Variants in SUPT3H observed in about 807,000 individuals in gnomAD.
The protein encoded by SUPT3H is SPT3 homolog, SAGA and STAGA complex component.
In SUPT3H, 44 loss-of-function variants were observed where a neutral mutation model predicts 44.3. The ratio of observed to expected loss-of-function variants is 0.99; its 90% CI spans 0.78 to 1.28. SUPT3H has a LOEUF of 1.28. SUPT3H is among the 50% of genes most tolerant of loss of function. SUPT3H has a pLI of 0.00. For synonymous variants in SUPT3H, 124 were observed against 125.6 expected (o/e 0.99, Z 0.09); for missense variants, 380 against 387.1 (o/e 0.98, Z 0.15).
At chr6:44,912,331 T>C (rs1767179139) in intron 10 of SUPT3H, among the ~76,000 whole-genome samples, 1 of 152,184 alleles carries the variant, frequency 6.6e-6, no homozygotes, top group Non-Finnish European at 1.5e-5. Context: ...GATCATACAG[T>C]ATTTGTCCTT....
intron 10 of SUPT3H, among the ~76,000 whole-genome samples, chr6:44,843,363 C>T (rs1215611882): frequency 6.6e-6 from 1 of 152,124 alleles, no homozygotes; most frequent in African/African-American, 2.4e-5. Flanking sequence ...GATATCTACT[C>T]CCACTGCACC....
chr6:44,878,055 T>C (rs1309081075), intron 10 of SUPT3H, among the ~76,000 whole-genome samples: 1 of 152,070 alleles, frequency 6.6e-6, no homozygotes, highest in Non-Finnish European at 1.5e-5. Flanking sequence ...ACTAAAGGAG[T>C]CCTTCCAGGA....
At chr6:45,281,127 C>G (rs574449957) in intron 2 of SUPT3H, among the ~76,000 whole-genome samples, 1 of 152,106 alleles carries the variant, frequency 6.6e-6, no homozygotes, top group African/African-American at 2.4e-5. Context: ...ACAAGATGGC[C>G]GAATAGGAAC....
chr6:44,823,408 G>T (rs1767500317), downstream of SUPT3H, among the ~76,000 whole-genome samples: 1 of 152,106 alleles, frequency 6.6e-6, no homozygotes, highest in Non-Finnish European at 1.5e-5. Context: ...GAGGCAGATT[G>T]ATTTTGCATA....
At chr6:45,029,398 A>C (rs1369246608) in intron 3 of SUPT3H, among the ~76,000 whole-genome samples, 6 of 150,608 alleles carry the variant, frequency 4.0e-5, no homozygotes, top group African/African-American at 1.5e-4. Context: ...CATATATTGC[A>C]TGTGTATATA....
At chr6:45,333,657 A>G (rs1787964224) in intron 2 of SUPT3H, among the ~76,000 whole-genome samples, 1 of 151,432 alleles carries the variant, frequency 6.6e-6, no homozygotes, top group Non-Finnish European at 1.5e-5. Context: ...ATCATTTTTT[A>G]TATCATTTAA....
At chr6:45,142,697 T>C (rs897366758) in intron 2 of SUPT3H, among the ~76,000 whole-genome samples, 5 of 119,676 alleles carry the variant, frequency 4.2e-5, no homozygotes, top group Admixed American at 1.2e-4. Flanking sequence ...GATTGTGCCA[T>C]TGCACTCCAG....
In SUPT3H at chr6:44,953,396, CA is replaced by C; in HGVS notation, c.714del (p.Val239Ter). On this transcript the variant is annotated frameshift_variant, in exon 9 of 11. Transcript: ENST00000371459. LOFTEE classifies it high-confidence loss of function. ...GCCTTGGTTACCATGTCTTGCCTCA[CA>C]AGAAGAGCCAGATCCACTAACTAGA... The part of the protein sequence containing the change: ...TVAQLVDLAL[L>X]VRQDMVTKAG... The C allele has an allele frequency of 6.2e-7, 1 of 1,613,876 alleles. No homozygotes were observed. Among genetic ancestry groups the C allele is most frequent in the Non-Finnish European group, 8.5e-7 (1 of 1,179,862 alleles).
chr6:44,867,064 A>G (rs1775617194), intron 10 of SUPT3H, among the ~76,000 whole-genome samples: 1 of 152,254 alleles, frequency 6.6e-6, no homozygotes, highest in African/African-American at 2.4e-5. Context: ...AAATGGATTA[A>G]AAACAGCCAC....
intron 2 of SUPT3H, among the ~76,000 whole-genome samples, chr6:45,122,846 ACT>A (rs1157575444): frequency 1.3e-5 from 2 of 152,052 alleles, no homozygotes; most frequent in African/African-American, 4.8e-5. Context: ...AAATTGCTAG[ACT>A]CTTTCATTTT....
At chr6:45,092,750 C>CAAAAAAAAAAAAAAAAAA (rs71674371) in intron 3 of SUPT3H, among the ~76,000 whole-genome samples, 1 of 127,824 alleles carries the variant, frequency 7.8e-6, no homozygotes, top group South Asian at 2.6e-4. Flanking sequence ...GACTTCGTCT[C>CAAAAAAAAAAAAAAAAAA]AAAAAAAAAA....
At chr6:45,049,352 C>T (rs1399416033) in intron 3 of SUPT3H, among the ~76,000 whole-genome samples, 1 of 152,108 alleles carries the variant, frequency 6.6e-6, no homozygotes, top group Admixed American at 6.6e-5. Context: ...ACACAATCAG[C>T]CTTACTCAAA....
chr6:45,138,124 T>C (rs1804610619), intron 2 of SUPT3H, among the ~76,000 whole-genome samples: 2 of 152,064 alleles, frequency 1.3e-5, no homozygotes, highest in African/African-American at 4.8e-5. Context: ...GTATTAGTCA[T>C]TAAGAACATG....
intron 6 of SUPT3H, among the ~76,000 whole-genome samples, chr6:44,982,930 G>A (rs1241301387): frequency 6.6e-6 from 1 of 152,144 alleles, no homozygotes; most frequent in African/African-American, 2.4e-5. Flanking sequence ...AGAAATCTAA[G>A]AAGATGTTCT....
intron 4 of SUPT3H, among the ~76,000 whole-genome samples, chr6:45,017,281 C>A (rs1243348652): frequency 6.7e-6 from 1 of 148,818 alleles, no homozygotes; most frequent in African/African-American, 2.5e-5. Flanking sequence ...AAAATTTTCT[C>A]CCATTTTGTA....
At chr6:45,276,087 G>A (rs946518584) in intron 2 of SUPT3H, among the ~76,000 whole-genome samples, 4 of 151,704 alleles carry the variant, frequency 2.6e-5, no homozygotes, top group Non-Finnish European at 5.9e-5. Context: ...AATTCCAGTC[G>A]CAGAATTTAT....
chr6:44,846,033 T>C (rs1771817576), intron 10 of SUPT3H, among the ~76,000 whole-genome samples: 1 of 152,134 alleles, frequency 6.6e-6, no homozygotes, highest in African/African-American at 2.4e-5. Flanking sequence ...GCTGTAAACG[T>C]TCACCCCTAG....
chr6:45,351,540 A>G (rs1792053910), intron 2 of SUPT3H, among the ~76,000 whole-genome samples: 1 of 152,174 alleles, frequency 6.6e-6, no homozygotes, highest in Non-Finnish European at 1.5e-5. Flanking sequence ...GAAGACTTCC[A>G]GGACGATGAG....
rs189748166 is a variant in SUPT3H at position 45,163,062 on chromosome 6, T to A, written c.102-57056A>T. ...CTATGAAATTACAGAACAACATATA[T>A]ATTGCAAGAGAAGTGGGGAGATTAC... On this transcript the variant is annotated intron_variant, in intron 2 of 10. Transcript: ENST00000371459. Among the ~76,000 whole-genome samples, 324 of 152,238 alleles carry A rather than the reference T, an allele frequency of 2.1e-3. 1 individual carries two copies. The highest frequency in any genetic ancestry group is 7.5e-3 in the African/African-American group (310 of 41,558).
Sources: gnomAD v4.1 joint callset for allele counts (sites outside exome capture counted in the v4.1 genomes callset) on GRCh38, gnomAD v4.1.1 for gene constraint, MANE v1.5 for transcripts, NCBI Gene and HGNC (gene_info 2026-07-23, HGNC 2026-07-21) for gene names.